Variants in SYNE3 observed in about 807,000 individuals in gnomAD.
The protein encoded by SYNE3 is spectrin repeat containing nuclear envelope family member 3.
In SYNE3, 100 loss-of-function variants were observed where a neutral mutation model predicts 111.2. The ratio of observed to expected loss-of-function variants is 0.90; its 90% CI spans 0.77 to 1.06. The LOEUF (loss-of-function observed/expected upper bound fraction) is 1.06. Among genes scored for constraint, SYNE3 ranks in the 50% least tolerant of loss-of-function variants. The pLI is 0.00. For synonymous variants in SYNE3, 547 were observed against 533.9 expected, an observed-to-expected ratio of 1.02 and a Z score of -0.34; for missense variants, 1,160 against 1,240.3, an observed-to-expected ratio of 0.94 and a Z score of 0.97.
Position 95,414,730 on chromosome 14 carries a change from C to T in SYNE3, c.*3096G>A, listed in dbSNP as rs528989577. On this transcript the variant is annotated 3_prime_UTR_variant, in exon 18 of 18. Transcript: ENST00000682763. The stretch of plus-strand genomic sequence containing the variant: ...ACACACACACACACACACACACACA[C>T]ACGCCACAGCGCCACCTTTCTCAAG... 1 of 147,690 alleles carries T rather than the reference C, an allele frequency of 6.8e-6. No individual in the cohort carries two copies. The highest frequency in any genetic ancestry group is 2.5e-5 in the African/African-American group (1 of 39,240). The allele number at this position is 147,690 out of a possible 1,614,324, so 9.1% of individuals were successfully genotyped here. A position where few individuals can be genotyped will look rare whatever the true frequency, so the allele number is the denominator to read the frequency against.
Position 95,409,787 on chromosome 14 carries a change from G to A in SYNE3, c.*8039C>T, listed in dbSNP as rs1387278323. The A allele has an allele frequency of 4.4e-6, 1 of 226,198 alleles. No homozygotes were observed. Among genetic ancestry groups the A allele is most frequent in the African/African-American group, 2.3e-5 (1 of 43,594 alleles). 14.0% of individuals were successfully genotyped at this position (226,198 alleles called of 1,614,324 possible). On this transcript the variant is annotated 3_prime_UTR_variant, in exon 18 of 18. Coordinates refer to ENST00000682763, the MANE Select transcript of SYNE3 (RefSeq NM_152592.6). ...GGTTTTAAGTCCTCTTTGACTCTGG[G>A]CCTCTGCTGAAGCAGCCTGCAGGCA... is the stretch of plus-strand genomic sequence containing the variant.
At chr14:95,494,989 G>A (rs937006574) in intron 1 of SYNE3, among the ~76,000 whole-genome samples, 4 of 152,118 alleles carry the variant, frequency 2.6e-5, no homozygotes, top group African/African-American at 9.7e-5. Context: ...GCAGGCACCT[G>A]TAATCCCAGC....
intron 4 of SYNE3, among the ~76,000 whole-genome samples, chr14:95,458,386 A>G (rs570061823): frequency 6.6e-6 from 1 of 152,212 alleles, no homozygotes; most frequent in Non-Finnish European, 1.5e-5. Context: ...TCCATATGGT[A>G]TGGTTAATAA....
chr14:95,495,303 C>T (rs952923576), intron 1 of SYNE3, among the ~76,000 whole-genome samples: 2 of 152,194 alleles, frequency 1.3e-5, no homozygotes, highest in Non-Finnish European at 2.9e-5. Flanking sequence ...CAGCCGGGCC[C>T]ACCTTGGACA....
rs777967910 is a variant in SYNE3, at chr14:95,436,895, G to GT, written c.2462dup (p.Asn821LysfsTer6). The GT allele has an allele frequency of 1.9e-6, 3 of 1,614,202 alleles. No homozygotes were observed. In the Admixed American group the frequency reaches 5.0e-5, roughly 27 times the overall value. On this transcript the variant is annotated frameshift_variant, in exon 15 of 18. Transcript: ENST00000682763. LOFTEE classifies it high-confidence loss of function. ...TTGCGATGATTCTAACCAGCTTGGA[G>GT]TTTTCCACCTGCAACCACTGCCCAA...
Position 95,452,376 on chromosome 14 carries a change from C to T in SYNE3, c.1145G>A (p.Arg382Gln), listed in dbSNP as rs148375938. The change falls in exon 7 of 18, where the codon CGG becomes CAG. Residue 382 changes from arginine (R) to glutamine (Q), a missense_variant. Arg to Gln is a conservative substitution (Grantham distance 43). Transcript: ENST00000682763. Reference sequence around the variant, plus strand: ...GGGCTCCTCCGAGGCCAGCGCCGCCCGTGTTGCCTGCAGCACATGACGACA... The same window carrying T: ...GGGCTCCTCCGAGGCCAGCGCCGCCTGTGTTGCCTGCAGCACATGACGACA... ...VAHWRRYSAT[R>Q]AALASEEPRV... The T allele has an allele frequency of 2.1e-5, 33 of 1,608,646 alleles. No homozygotes were observed. The African/African-American group carries it at 2.4e-4, about 12-fold the overall frequency.
At chr14:95,487,550 C>T (rs1405533289) in intron 1 of SYNE3, among the ~76,000 whole-genome samples, 1 of 152,190 alleles carries the variant, frequency 6.6e-6, no homozygotes, top group Non-Finnish European at 1.5e-5. Context: ...AAACCACCTT[C>T]TTGGGGGTAT....
rs778380161 is a variant in SYNE3 at position 95,439,673 on chromosome 14, C to T, written c.2185G>A (p.Glu729Lys). The change falls in exon 13 of 18, where the codon GAG (glutamate) becomes AAG (lysine). Residue 729 changes from glutamate to lysine, a missense_variant. Glu to Lys is a moderately conservative substitution (Grantham distance 56). Transcript: ENST00000682763. ...CACGACTCTGCCAGCTCCCTGAGCT[C>T]CTCCTGCACCACGGCAGCACCCTCC... ...SPEGAAVVQEELRELAESWRA... is the reference protein window; with the variant it reads ...SPEGAAVVQEKLRELAESWRA... 7 of 1,614,082 alleles carry T rather than the reference C, an allele frequency of 4.3e-6. No homozygotes were observed. In the Admixed American group the frequency reaches 1.2e-4, roughly 27 times the overall value.
chr14:95,497,181 C>A (rs894107913), intron 1 of SYNE3, among the ~76,000 whole-genome samples: 2 of 152,268 alleles, frequency 1.3e-5, no homozygotes, highest in Non-Finnish European at 2.9e-5. Flanking sequence ...CAAAGGCCTG[C>A]TTTTCCTGGG....
rs2139310628 is a variant in SYNE3, at chr14:95,407,697, C to T, written c.*10129G>A. The T allele has an allele frequency of 6.6e-6, 1 of 152,206 alleles. No individual in the cohort carries two copies. Among genetic ancestry groups the T allele is most frequent in the Middle Eastern group, 3.4e-3 (1 of 294 alleles). The allele number at this position is 152,206 out of a possible 1,614,324, so 9.4% of individuals were successfully genotyped here. Reference sequence around the variant, plus strand: ...AACAATGGAATGTGTTTGTCTTTGACATCAAAAATCATTTATGCAGCATCT... The same window carrying T: ...AACAATGGAATGTGTTTGTCTTTGATATCAAAAATCATTTATGCAGCATCT... On this transcript the variant is annotated 3_prime_UTR_variant, in exon 18 of 18. Coordinates refer to ENST00000682763, the MANE Select transcript of SYNE3 (RefSeq NM_152592.6).
chr14:95,488,445 G>A (rs138245598), intron 1 of SYNE3, among the ~76,000 whole-genome samples: 3 of 152,166 alleles, frequency 2.0e-5, no homozygotes, highest in Non-Finnish European at 4.4e-5. Context: ...AAGCTGTGAT[G>A]AATACTTGTG....
At chr14:95,479,507 C>CA (rs1385821562) in intron 1 of SYNE3, among the ~76,000 whole-genome samples, 1 of 152,142 alleles carries the variant, frequency 6.6e-6, no homozygotes, top group Admixed American at 6.5e-5. Flanking sequence ...GCAGCTGTCT[C>CA]ACCAGCTCAA....
chr14:95,449,172 C>T (rs1462243543), intron 8 of SYNE3, among the ~76,000 whole-genome samples: 2 of 152,202 alleles, frequency 1.3e-5, no homozygotes, highest in African/African-American at 2.4e-5. Flanking sequence ...CACAGCCATA[C>T]CTCCTTCTCT....
At position 95,452,382 on chromosome 14, in the gene SYNE3, G is replaced by C. The variant is rs1445405574; in HGVS notation, c.1139C>G (p.Ala380Gly). The stretch of plus-strand genomic sequence containing the variant: ...CTCCGAGGCCAGCGCCGCCCGTGTT[G>C]CCTGCAGCACATGACGACACCGCAG... ...ELVAHWRRYS[A>G]TRAALASEEP... The change falls in exon 7 of 18, where the codon GCA becomes GGA. Residue 380 changes from alanine (A) to glycine (G), a missense_variant and splice_region_variant. Physicochemically the swap from Ala to Gly is moderately conservative, Grantham distance 60. Coordinates refer to ENST00000682763, the MANE Select transcript of SYNE3 (RefSeq NM_152592.6). 3 of 1,607,820 alleles carry C rather than the reference G, an allele frequency of 1.9e-6. No homozygotes were observed. Among genetic ancestry groups the C allele is most frequent in the Non-Finnish European group, 2.5e-6 (3 of 1,177,746 alleles).
chr14:95,457,269 G>T lies in SYNE3; in HGVS notation c.697C>A (p.Gln233Lys). The T allele has an allele frequency of 6.2e-7, 1 of 1,614,120 alleles. No homozygotes were observed. Among genetic ancestry groups the T allele is most frequent in the Non-Finnish European group, 8.5e-7 (1 of 1,180,026 alleles). Reference sequence around the variant, plus strand: ...TCCACCACCGCCTTCAGCCACAGTTGGAACTCGTCCACACCTGCCTGGTAC... The same window carrying T: ...TCCACCACCGCCTTCAGCCACAGTTTGAACTCGTCCACACCTGCCTGGTAC... ...EEYQAGVDEF[Q>K]LWLKAVVEKV... Residue 233 changes from glutamine (Q) to lysine (K), a missense_variant, in exon 5 of 18, where the codon CAA becomes AAA. Gln to Lys is a moderately conservative substitution (Grantham distance 53). Transcript: ENST00000682763.
At chr14:95,424,179 G>A (rs1885310943) in intron 17 of SYNE3, among the ~76,000 whole-genome samples, 1 of 152,154 alleles carries the variant, frequency 6.6e-6, no homozygotes, top group South Asian at 2.1e-4. Context: ...GTGACAGGGA[G>A]AGTCACCTAT....
rs927906978 is a variant in SYNE3 at position 95,416,185 on chromosome 14, C to T, written c.*1641G>A. On this transcript the variant is annotated 3_prime_UTR_variant, in exon 18 of 18. Coordinates refer to ENST00000682763, the MANE Select transcript of SYNE3 (RefSeq NM_152592.6). ...CACGGGTTTCCTGCCGGTGAAATGT[C>T]CTAGTTGCCTAGGACCCGGGTCCCC... 1 of 152,004 alleles carries T rather than the reference C, an allele frequency of 6.6e-6. No individual in the cohort carries two copies. The highest frequency in any genetic ancestry group is 2.4e-5 in the African/African-American group (1 of 41,372). The allele number at this position is 152,004 out of a possible 1,614,324, so 9.4% of individuals were successfully genotyped here.
Position 95,449,978 on chromosome 14 carries a change from T to G in SYNE3, c.1402A>C (p.Ser468Arg). The G allele has an allele frequency of 6.4e-7, 1 of 1,555,022 alleles. No individual in the cohort carries two copies. The highest frequency in any genetic ancestry group is 1.4e-5 in the African/African-American group (1 of 73,412). The part of the protein sequence containing the change: ...LAQRLLEVTA[S>R]LPDLPSLHTF... ...TGAAGGGAAGGCAGGTCCGGCAGGCTGGCAGTGACCTCCAAGAGCCGCTGG... is the reference window on the plus strand; with the variant it reads ...TGAAGGGAAGGCAGGTCCGGCAGGCGGGCAGTGACCTCCAAGAGCCGCTGG... The change falls in exon 8 of 18, where the codon AGC becomes CGC. Residue 468 changes from serine to arginine, a missense_variant. By Grantham distance (110) the Ser-to-Arg change is moderately radical. Coordinates refer to ENST00000682763, the MANE Select transcript of SYNE3 (RefSeq NM_152592.6).
chr14:95,420,976 C>T (rs1199596179), intron 17 of SYNE3, among the ~76,000 whole-genome samples: 4 of 152,184 alleles, frequency 2.6e-5, no homozygotes, highest in South Asian at 2.1e-4. Context: ...TCATACTGTT[C>T]TCATGGTAGT....
Sources: allele counts gnomAD v4.1 joint callset (sites outside exome capture counted in the v4.1 genomes callset), GRCh38; gene constraint gnomAD v4.1.1; transcripts MANE v1.5; gene names NCBI Gene and HGNC (gene_info 2026-07-23, HGNC 2026-07-21).